Variants in DUOX1 observed in about 807,000 individuals in gnomAD.
DUOX1 encodes the protein dual oxidase 1.
Under a neutral mutation model 181.8 loss-of-function variants are expected in DUOX1, and 134 were observed. The observed-to-expected ratio is 0.74, with a 90% CI of 0.64 to 0.85. The LOEUF (loss-of-function observed/expected upper bound fraction) is 0.85. Among genes scored for constraint, DUOX1 ranks in the 40% least tolerant of loss-of-function variants. DUOX1 has a pLI of 0.00. For synonymous variants in DUOX1, 798 were observed against 832.5 expected, an observed-to-expected ratio of 0.96 and a Z score of 0.71; for missense variants, 1,814 against 2,064.4, an observed-to-expected ratio of 0.88 and a Z score of 2.35.
intron 9 of DUOX1, 60 bp from the exon 10 acceptor site, chr15:45,137,864 G>T: frequency 7.2e-7 from 1 of 1,387,562 alleles, no homozygotes; most frequent in East Asian, 2.5e-5. Context: ...GACCAGAACT[G>T]ATGCCTGACA....
intron 25 of DUOX1, 115 bp downstream of exon 25, chr15:45,152,631 G>T (rs28463174): frequency 3.9e-6 from 4 of 1,038,686 alleles, no homozygotes; most frequent in Non-Finnish European, 2.9e-6. Context: ...TTCTCCATCA[G>T]GATGGAGTTG....
intron 28 of DUOX1, among the ~76,000 whole-genome samples, chr15:45,159,154 C>T (rs1405333789): frequency 1.3e-5 from 2 of 152,178 alleles, no homozygotes; most frequent in African/African-American, 4.8e-5. Context: ...CTGCAGATGG[C>T]CATAGGGCAT....
In DUOX1 at chr15:45,147,510, T is replaced by G. The variant is rs369697625; in HGVS notation, c.2400T>G (p.Cys800Trp). 2 of 1,614,066 alleles carry G rather than the reference T, an allele frequency of 1.2e-6. No individual in the cohort carries two copies. The highest frequency in any genetic ancestry group is 3.3e-5 in the Admixed American group (2 of 60,008). ...SSQKVREALT[C>W]ELSRAEFAES... ...AGAAGGTGCGGGAGGCCCTGACCTGTGAGCTGAGCAGGGCCGAGTTTGCCG... is the reference window on the plus strand; with the variant it reads ...AGAAGGTGCGGGAGGCCCTGACCTGGGAGCTGAGCAGGGCCGAGTTTGCCG... The change falls in exon 19 of 34, where the codon TGT (cysteine) becomes TGG (tryptophan). Residue 800 changes from cysteine (C) to tryptophan (W), a missense_variant. This residue lies in a region of DUOX1 where 1,064 missense variants were observed against 1,152.9 expected (regional missense o/e 0.92). Transcript: ENST00000389037.
At chr15:45,135,038 A>G in intron 4 of DUOX1, 66 bp from the exon 5 acceptor site, 4 of 1,574,830 alleles carry the variant, frequency 2.5e-6, no homozygotes, top group Non-Finnish European at 3.5e-6. Context: ...AGGAAACTGG[A>G]TACCTAGGGT....
At chr15:45,141,175 C>A in intron 13 of DUOX1, 105 bp downstream of exon 13, 1 of 1,565,638 alleles carries the variant, frequency 6.4e-7, no homozygotes, top group South Asian at 1.1e-5. Context: ...CAAGCCAGCC[C>A]ACCACCCACT....
chr15:45,130,202 G>A (rs565501798), intron 1 of DUOX1, 104 bp downstream of exon 1: 1 of 152,446 alleles, frequency 6.6e-6, no homozygotes, highest in South Asian at 2.1e-4. Context: ...CCACGTTATG[G>A]AAGAAAGGGG....
chr15:45,154,513 G>A (rs1595592545), intron 27 of DUOX1, among the ~76,000 whole-genome samples: 1 of 151,404 alleles, frequency 6.6e-6, no homozygotes, highest in East Asian at 1.9e-4. Context: ...AAATTCTCTT[G>A]AACCTATTTA....
In DUOX1 at chr15:45,134,156, C is replaced by T. The variant is rs769838240; in HGVS notation, c.154C>T (p.Gln52Ter). The change falls in exon 4 of 34, where the codon CAG (glutamine) becomes TAG (stop). Residue 52 changes from glutamine to a stop codon, truncating the protein, a stop_gained. Coordinates refer to ENST00000389037, the MANE Select transcript of DUOX1 (RefSeq NM_175940.3). LOFTEE classifies it high-confidence loss of function. ...CCCTCCTACCCCAGGCTCCCGGCTG[C>T]AGCGCCTGGTCCCAGCCAGCTATGC... ...HRWGSKGSRL[Q>*]RLVPASYADG... 3 of 1,554,896 alleles carry T rather than the reference C, an allele frequency of 1.9e-6. No homozygotes were observed. The highest frequency in any genetic ancestry group is 2.3e-5 in the East Asian group (1 of 44,264).
intron 15 of DUOX1, among the ~76,000 whole-genome samples, chr15:45,142,325 A>T (rs1365610214): frequency 6.6e-6 from 1 of 152,166 alleles, no homozygotes; most frequent in Non-Finnish European, 1.5e-5. Context: ...TTTTCCTGGG[A>T]CTGCCCCCAG....
chr15:45,163,775 C>A lies in DUOX1; in HGVS notation c.4405-15C>A, dbSNP rs763032699. 2.5e-6 allele frequency: 4 copies of A among 1,613,752 alleles called. No individual in the cohort carries two copies. The highest frequency in any genetic ancestry group is 3.4e-6 in the Non-Finnish European group (4 of 1,179,740). The stretch of plus-strand genomic sequence containing the variant: ...TGTGCCTGGCTGAACTTTGTTCCAC[C>A]CTTCCCTACCATAGTACATCTGTGA... On this transcript the variant is annotated splice_polypyrimidine_tract_variant and intron_variant, in intron 32 of 33. Coordinates refer to ENST00000389037, the MANE Select transcript of DUOX1 (RefSeq NM_175940.3).
Position 45,161,929 on chromosome 15 carries a change from T to C in DUOX1, c.4048T>C (p.Tyr1350His). 6.2e-7 allele frequency: 1 copy of C among 1,613,924 alleles called. No individual in the cohort carries two copies. The highest frequency in any genetic ancestry group is 1.1e-5 in the South Asian group (1 of 91,066). The change falls in exon 30 of 34, where the codon TAC (tyrosine) becomes CAC (histidine). Residue 1350 changes from tyrosine to histidine, a missense_variant. Tyr to His is a moderately conservative substitution (Grantham distance 83, BLOSUM62 2). This residue lies in a region of DUOX1 where 279 missense variants were observed against 381.9 expected (regional missense o/e 0.73). Coordinates refer to ENST00000389037, the MANE Select transcript of DUOX1 (RefSeq NM_175940.3). Reference protein sequence around the residue: ...GPWTTRLREIYSAPTGDRCAR... With the variant: ...GPWTTRLREIHSAPTGDRCAR... The stretch of plus-strand genomic sequence containing the variant: ...CTGGACCACTCGCCTCAGGGAGATC[T>C]ACTCAGCCCCGACGGGTGACAGATG...
intron 1 of DUOX1, among the ~76,000 whole-genome samples, chr15:45,130,644 G>A (rs1027592027): frequency 3.3e-5 from 5 of 152,206 alleles, no homozygotes; most frequent in African/African-American, 1.2e-4. Context: ...AGAAGTTACT[G>A]CCCCATCGTT....
At chr15:45,132,484 T>C (rs980229838) in intron 2 of DUOX1, among the ~76,000 whole-genome samples, 25 of 152,252 alleles carry the variant, frequency 1.6e-4, no homozygotes, top group Non-Finnish European at 3.5e-4. Flanking sequence ...AGTTTCATGT[T>C]GCTGCCTTCA....
chr15:45,157,518 G>A (rs1395653697), intron 28 of DUOX1, among the ~76,000 whole-genome samples: 2 of 152,130 alleles, frequency 1.3e-5, no homozygotes, highest in African/African-American at 4.8e-5. Flanking sequence ...CAGCAGGAAA[G>A]TCAGGGGTTC....
Position 45,163,653 on chromosome 15 carries a change from T to C in DUOX1, c.4370T>C (p.Leu1457Pro). ...TCTGTGCACATCTACATCACCCAGC[T>C]GGCTGAGAAGTTCGACCTCAGGACC... is the stretch of plus-strand genomic sequence containing the variant. ...LVSVHIYITQ[L>P]AEKFDLRTTM... Residue 1457 changes from leucine (L) to proline (P), a missense_variant, in exon 32 of 34, where the codon CTG becomes CCG. This residue lies in a region of DUOX1 where 124 missense variants were observed against 125.7 expected (regional missense o/e 0.99). Transcript: ENST00000389037. 6.2e-7 allele frequency: 1 copy of C among 1,614,116 alleles called. No individual in the cohort carries two copies. Among genetic ancestry groups the C allele is most frequent in the Non-Finnish European group, 8.5e-7 (1 of 1,180,012 alleles).
chr15:45,155,906 C>T lies in DUOX1; in HGVS notation c.3679C>T (p.Leu1227Phe), dbSNP rs950523528. The T allele has an allele frequency of 2.5e-6, 4 of 1,614,200 alleles. No homozygotes were observed. Among genetic ancestry groups the T allele is most frequent in the Admixed American group, 1.7e-5 (1 of 60,028 alleles). Residue 1227 changes from leucine (L) to phenylalanine (F), a missense_variant, in exon 28 of 34, where the codon CTC (leucine) becomes TTC (phenylalanine). Transcript: ENST00000389037. The stretch of plus-strand genomic sequence containing the variant: ...CCGGGGCTTCTGGCTGACCCACCAC[C>T]TCTACATCCTGCTCTATGTCCTGGT... ...SFRGFWLTHH[L>F]YILLYVLLII...
rs779168692 is a variant in DUOX1 at position 45,144,114 on chromosome 15, A to C, written c.2015A>C (p.Asp672Ala). ...YLQPGQIRVV[D>A]GRLTVLRTIQ... ...CAGCCCGGGCAGATCCGTGTGGTAG[A>C]TGGCAGGCTCACCGTGCTCCGCACC... The change falls in exon 17 of 34, where the codon GAT (aspartate) becomes GCT (alanine). Residue 672 changes from aspartate to alanine, a missense_variant. Coordinates refer to ENST00000389037, the MANE Select transcript of DUOX1 (RefSeq NM_175940.3). The C allele has an allele frequency of 6.2e-7, 1 of 1,614,020 alleles. No individual in the cohort carries two copies. Among genetic ancestry groups the C allele is most frequent in the Non-Finnish European group, 8.5e-7 (1 of 1,180,048 alleles).
chr15:45,136,321 G>T (rs773764858), intron 7 of DUOX1, 29 bp from the exon 8 acceptor site: 45 of 1,612,564 alleles, frequency 2.8e-5, no homozygotes, highest in Non-Finnish European at 3.8e-5. Context: ...TCCAACTCGT[G>T]CCTCCCCTCG....
In DUOX1 at chr15:45,135,510, A is replaced by G. The variant is rs1451530875; in HGVS notation, c.532A>G (p.Ile178Val). The G allele has an allele frequency of 1.9e-6, 3 of 1,559,036 alleles. No individual in the cohort carries two copies. Among genetic ancestry groups the G allele is most frequent in the Admixed American group, 1.9e-5 (1 of 52,546 alleles). Reference protein sequence around the residue: ...QVTGWLDGSAIYGSSHSWSDA... With the variant: ...QVTGWLDGSAVYGSSHSWSDA... The stretch of plus-strand genomic sequence containing the variant: ...GACGGGCTGGCTGGACGGCAGCGCC[A>G]TCTATGGTTCCTCGCATTCCTGGAG... The change falls in exon 6 of 34, where the codon ATC becomes GTC. Residue 178 changes from isoleucine (I) to valine (V), a missense_variant. Physicochemically the swap from Ile to Val is conservative, Grantham distance 29 (BLOSUM62 3). Transcript: ENST00000389037.
Sources: allele counts gnomAD v4.1 joint callset (sites outside exome capture counted in the v4.1 genomes callset), GRCh38; gene constraint gnomAD v4.1.1; regional missense constraint gnomAD v4.1.1; transcripts MANE v1.5; gene names NCBI Gene and HGNC (gene_info 2026-07-23, HGNC 2026-07-21).